The following PASK variants were observed in gnomAD, a reference collection of about 807,000 sequenced individuals.
PASK encodes PAS domain-containing serine/threonine-protein kinase.
PASK carries 110 observed loss-of-function variants against 121.0 expected under a neutral mutation model. The ratio of observed to expected loss-of-function variants is 0.91; its 90% CI spans 0.78 to 1.06. The LOEUF (loss-of-function observed/expected upper bound fraction) is 1.06. Among genes scored for constraint, PASK ranks in the 50% least tolerant of loss-of-function variants. PASK has a pLI of 0.00. For synonymous variants in PASK, 686 were observed against 717.8 expected (o/e 0.96, Z 0.71); for missense variants, 1,643 against 1,702.3 (o/e 0.97, Z 0.61).
At position 241,123,967 on chromosome 2, in the gene PASK, G is replaced by T. The variant is rs533568232; in HGVS notation, c.2886C>A (p.Thr962=). 1 of 1,613,712 alleles carries T rather than the reference G, an allele frequency of 6.2e-7. No individual in the cohort carries two copies. Among genetic ancestry groups the T allele is most frequent in the Non-Finnish European group, 8.5e-7 (1 of 1,179,938 alleles). ...TACCCACTTCCACCAGGCTGGGTCCGGTGAGCTCAGCAGCGGTAGAGTGGG... is the reference window on the plus strand; with the variant it reads ...TACCCACTTCCACCAGGCTGGGTCCTGTGAGCTCAGCAGCGGTAGAGTGGG... ...GSTHSTAAEL[T]GPSLVEVLRA... Residue 962 remains threonine (T), a synonymous_variant, in exon 11 of 18, where the codon ACC becomes ACA. Transcript: ENST00000234040.
chr2:241,129,806 G>A (rs1208482680), intron 9 of PASK, among the ~76,000 whole-genome samples: 1 of 152,192 alleles, frequency 6.6e-6, no homozygotes, highest in African/African-American at 2.4e-5. Flanking sequence ...GAGCTGCTGG[G>A]ACCTCAACCC....
At chr2:241,132,527 TAA>T (rs71049553) in intron 9 of PASK, among the ~76,000 whole-genome samples, 342 of 39,478 alleles carry the variant, frequency 8.7e-3, no homozygotes, top group African/African-American at 0.031. Context: ...AGACTCTGTC[TAA>T]AAAAAAAAAA....
Position 241,108,287 on chromosome 2 carries a change from C to T in PASK, c.3547G>A (p.Glu1183Lys). 1 of 1,614,082 alleles carries T rather than the reference C, an allele frequency of 6.2e-7. No individual in the cohort carries two copies. Among genetic ancestry groups the T allele is most frequent in the Non-Finnish European group, 8.5e-7 (1 of 1,179,974 alleles). The change falls in exon 16 of 18, where the codon GAG (glutamate) becomes AAG (lysine). Residue 1183 changes from glutamate to lysine, a missense_variant. Coordinates refer to ENST00000234040, the MANE Select transcript of PASK (RefSeq NM_015148.4). This position sits in a 1 kb window ranked among gnomAD's most constrained non-coding sequence, Gnocchi z 5.2. Reference sequence around the variant, plus strand: ...ACTCCCAGAGACCACATCTCCAGCTCCGGCCCTCTGTAGCTGTGAGGAGGA... The same window carrying T: ...ACTCCCAGAGACCACATCTCCAGCTTCGGCCCTCTGTAGCTGTGAGGAGGA... ...VLMGNPYRGP[E>K]LEMWSLGVTL... is the part of the protein sequence containing the mutation.
intron 9 of PASK, among the ~76,000 whole-genome samples, chr2:241,131,911 G>A (rs951849393): frequency 2.6e-5 from 4 of 152,006 alleles, no homozygotes; most frequent in East Asian, 1.9e-4. Flanking sequence ...AAAATTAGCC[G>A]GGCGTGGTGG....
chr2:241,107,630 G>A (rs926847174), intron 16 of PASK, 131 bp from the exon 17 acceptor site: 3 of 809,388 alleles, frequency 3.7e-6, no homozygotes, highest in Non-Finnish European at 6.5e-6. Context: ...AACCTCTAGT[G>A]CAGGGCCCAG....
At chr2:241,139,679 CGAT>C in intron 4 of PASK, 1 of 707,234 alleles carries the variant, frequency 1.4e-6, no homozygotes, top group Non-Finnish European at 2.6e-6. Flanking sequence ...TCCATTCCTG[CGAT>C]GATTCGTTCT....
chr2:241,106,716 T>A lies in PASK; in HGVS notation c.3822A>T (p.Gly1274=), dbSNP rs1382884656. ...EVFRVNKPES[G]VLSAASLEMG... is the part of the protein sequence containing the mutation. ...TCTCCAGGCTCGCAGCGGACAGAAC[T>A]CCACTTTCTGAAGAAACAAGAAGGT... The change falls in exon 18 of 18, where the codon GGA becomes GGT. Residue 1274 remains glycine, a synonymous_variant. Coordinates refer to ENST00000234040, the MANE Select transcript of PASK (RefSeq NM_015148.4). The A allele has an allele frequency of 9.3e-6, 15 of 1,613,968 alleles. No individual in the cohort carries two copies. The highest frequency in any genetic ancestry group is 1.3e-5 in the Non-Finnish European group (15 of 1,179,922).
Position 241,130,628 on chromosome 2 carries a change from C to T in PASK, c.1463+2246G>A, listed in dbSNP as rs111568122. On this transcript the variant is annotated intron_variant, in intron 9 of 17. Transcript: ENST00000234040. ...TAATATTGAAAACTCACGTGTTGAG[C>T]GCCTGCTCTGTTCCACTCGCAGTGG... Among the ~76,000 whole-genome samples, 197 of 152,204 alleles carry T rather than the reference C, an allele frequency of 1.3e-3. 1 individual carries two copies. The highest frequency in any genetic ancestry group is 4.5e-3 in the African/African-American group (188 of 41,528).
intron 8 of PASK, among the ~76,000 whole-genome samples, chr2:241,135,575 G>A (rs187177087): frequency 2.6e-5 from 4 of 152,058 alleles, no homozygotes; most frequent in African/African-American, 9.6e-5. Flanking sequence ...AAGACAAGAC[G>A]GTCAGTTAGC....
At chr2:241,135,671 T>C (rs1266761149) in intron 8 of PASK, among the ~76,000 whole-genome samples, 200 bp downstream of exon 8, 1 of 151,974 alleles carries the variant, frequency 6.6e-6, no homozygotes, top group Admixed American at 6.5e-5. Flanking sequence ...TATGCTCATA[T>C]GTTTATAAGA....
chr2:241,129,171 C>G (rs1277567884), intron 9 of PASK, among the ~76,000 whole-genome samples: 1 of 152,156 alleles, frequency 6.6e-6, no homozygotes, highest in Non-Finnish European at 1.5e-5. Flanking sequence ...CGAATGCACA[C>G]CACGAGGGTC....
Position 241,135,949 on chromosome 2 carries a change from C to G in PASK, c.1228G>C (p.Asp410His). 1 of 1,614,180 alleles carries G rather than the reference C, an allele frequency of 6.2e-7. No homozygotes were observed. Among genetic ancestry groups the G allele is most frequent in the Non-Finnish European group, 8.5e-7 (1 of 1,179,962 alleles). Reference protein sequence around the residue: ...LQLPDLASCLDVGNESGCGER... With the variant: ...LQLPDLASCLHVGNESGCGER... Reference sequence around the variant, plus strand: ...CCACACCCACTCTCATTGCCGACGTCCAGGCAGCTGGCCAGGTCTGGGAGC... The same window carrying G: ...CCACACCCACTCTCATTGCCGACGTGCAGGCAGCTGGCCAGGTCTGGGAGC... The change falls in exon 8 of 18, where the codon GAC becomes CAC. Residue 410 changes from aspartate to histidine, a missense_variant. This residue lies in a region of PASK where 1,176 missense variants were observed against 1,162.2 expected (regional missense o/e 1.01). Transcript: ENST00000234040.
Position 241,115,352 on chromosome 2 carries a change from T to G in PASK, c.3134A>C (p.Lys1045Thr). Residue 1045 changes from lysine (K) to threonine (T), a missense_variant, in exon 13 of 18, where the codon AAA becomes ACA. Lys to Thr is a moderately conservative substitution (Grantham distance 78). Coordinates refer to ENST00000234040, the MANE Select transcript of PASK (RefSeq NM_015148.4). ...VLEDCWIEDP[K>T]LGKVTLEIAI... ...GATCTCTAAAGTAACTTTCCCAAGT[T>G]TGGGATCCTCAATCCAACAATCCTC... The G allele has an allele frequency of 6.2e-7, 1 of 1,613,838 alleles. No homozygotes were observed. Among genetic ancestry groups the G allele is most frequent in the Non-Finnish European group, 8.5e-7 (1 of 1,179,800 alleles).
Position 241,126,549 on chromosome 2 carries a change from G to T in PASK, c.2366C>A (p.Ser789Ter). 6.2e-7 allele frequency: 1 copy of T among 1,614,194 alleles called. No individual in the cohort carries two copies. Among genetic ancestry groups the T allele is most frequent in the Non-Finnish European group, 8.5e-7 (1 of 1,180,014 alleles). Residue 789 changes from serine to a stop codon, truncating the protein, a stop_gained, in exon 10 of 18, where the codon TCG (serine) becomes TAG (stop). Coordinates refer to ENST00000234040, the MANE Select transcript of PASK (RefSeq NM_015148.4). LOFTEE classifies it high-confidence loss of function. ...PDVGSLQEQG[S>*]CVLDDRELLL... ...CAGCTCCCTGTCATCCAGGACACAC[G>T]ACCCCTGTTCCTGGAGACTGCCTAC... is the stretch of plus-strand genomic sequence containing the variant.
rs766828977 is a variant in PASK, at chr2:241,112,275, G to A, written c.3498C>T (p.Ile1166=). The A allele has an allele frequency of 3.7e-6, 6 of 1,613,650 alleles. No homozygotes were observed. Among genetic ancestry groups the A allele is most frequent in the Non-Finnish European group, 4.2e-6 (5 of 1,179,794 alleles). Residue 1166 remains isoleucine (I), a synonymous_variant, in exon 15 of 18, where the codon ATC becomes ATT. Transcript: ENST00000234040. This position sits in a 1 kb window ranked among gnomAD's most constrained non-coding sequence, Gnocchi z 5.2. ...TGAGAACTTCCGGTGCACAGTACTC[G>A]ATGGTCCCACAAAAAGTATAAAATA... The part of the protein sequence containing the change: ...GKLFYTFCGT[I]EYCAPEVLMG...
At chr2:241,116,093 C>T (rs1422495724) in intron 12 of PASK, among the ~76,000 whole-genome samples, 1 of 143,358 alleles carries the variant, frequency 7.0e-6, no homozygotes, top group Non-Finnish European at 1.5e-5. Context: ...CATCCCATTA[C>T]ACCAGGGACA....
At chr2:241,113,552 T>C in intron 14 of PASK, 3 of 194,318 alleles carry the variant, frequency 1.5e-5, no homozygotes, top group Non-Finnish European at 2.8e-5. Context: ...TATACAAGCA[T>C]GCATGCATAC....
intron 9 of PASK, chr2:241,127,752 C>A: frequency 7.4e-6 from 3 of 406,732 alleles, no homozygotes; most frequent in Non-Finnish European, 1.4e-5. Context: ...GGCCCCCAAA[C>A]CCCCCGTCAG....
intron 1 of PASK, among the ~76,000 whole-genome samples, chr2:241,147,185 T>C (rs771775699): frequency 1.3e-5 from 2 of 152,168 alleles, no homozygotes; most frequent in Non-Finnish European, 2.9e-5. Context: ...AGAACCAACC[T>C]ATAGACAAAG....
Sources: gnomAD v4.1 joint callset for allele counts (sites outside exome capture counted in the v4.1 genomes callset) on GRCh38, gnomAD v4.1.1 for gene constraint, gnomAD v4.1.1 regional missense constraint, Gnocchi (gnomAD v3.1) non-coding constraint, MANE v1.5 for transcripts, NCBI Gene and HGNC (gene_info 2026-07-23, HGNC 2026-07-21) for gene names.